The following TAF2 variants were observed in gnomAD, a reference collection of about 807,000 sequenced individuals.
The protein encoded by TAF2 is TATA-box binding protein associated factor 2, also known as transcription initiation factor TFIID subunit 2.
In TAF2, 61 loss-of-function variants were observed where a neutral mutation model predicts 138.5. The observed-to-expected ratio is 0.44, with a 90% CI of 0.36 to 0.54. TAF2 has a LOEUF of 0.54. Ranked by LOEUF, TAF2 falls within the 20% of genes least tolerant of loss-of-function variation. The pLI is 0.00. For missense variants in TAF2, 1,090 were observed against 1,427.9 expected (o/e 0.76, Z 3.81); for synonymous variants, 475 against 469.9 (o/e 1.01, Z -0.14).
chr8:119,747,788 G>T (rs1820080362), intron 22 of TAF2, among the ~76,000 whole-genome samples: 1 of 152,052 alleles, frequency 6.6e-6, no homozygotes, highest in Non-Finnish European at 1.5e-5. Context: ...GAAGAGTATA[G>T]AACAAATGAA....
Position 119,788,464 on chromosome 8 carries a change from G to C in TAF2, c.1684-17C>G. Reference sequence around the variant, plus strand: ...AAGTGGTCCCTTTTAAAAAAAAAACGTACTGTTCAGAGATGTGATTTAAAA... The same window carrying C: ...AAGTGGTCCCTTTTAAAAAAAAAACCTACTGTTCAGAGATGTGATTTAAAA... On this transcript the variant is annotated splice_polypyrimidine_tract_variant and intron_variant, in intron 13 of 25. Coordinates refer to ENST00000378164, the MANE Select transcript of TAF2 (RefSeq NM_003184.4). 1 of 1,526,606 alleles carries C rather than the reference G, an allele frequency of 6.6e-7. No individual in the cohort carries two copies. Among genetic ancestry groups the C allele is most frequent in the Non-Finnish European group, 9.1e-7 (1 of 1,103,506 alleles). The allele number at this position is 1,526,606 out of a possible 1,614,324, so 94.6% of individuals were successfully genotyped here.
chr8:119,792,149 C>CTTTTTTTTTTT (rs905286521), intron 10 of TAF2, among the ~76,000 whole-genome samples: 6 of 138,760 alleles, frequency 4.3e-5, no homozygotes, highest in South Asian at 4.7e-4. Flanking sequence ...TTCTTTCTTT[C>CTTTTTTTTTTT]TTTTTTTTTT....
intron 18 of TAF2, among the ~76,000 whole-genome samples, chr8:119,775,062 C>G (rs1822124822): frequency 6.6e-6 from 1 of 151,854 alleles, no homozygotes; most frequent in South Asian, 2.1e-4. Context: ...GGGCGGATCA[C>G]AAGGTCAAGA....
rs1826534167 is a variant in TAF2, at chr8:119,832,559, C to A, written c.6G>T (p.Pro2=). The A allele has an allele frequency of 6.2e-7, 1 of 1,612,978 alleles. No individual in the cohort carries two copies. The highest frequency in any genetic ancestry group is 8.5e-7 in the Non-Finnish European group (1 of 1,179,972). ...TTCTGGCGGGCTCTACACCAGTCAG[C>A]GGCATGAAGCGGTCCCGCGGAGCTT... The part of the protein sequence containing the change: M[P]LTGVEPARMN... Residue 2 remains proline (P), a synonymous_variant, in exon 1 of 26, where the codon CCG becomes CCT. Coordinates refer to ENST00000378164, the MANE Select transcript of TAF2 (RefSeq NM_003184.4).
intron 15 of TAF2, 122 bp from the exon 16 acceptor site, chr8:119,783,755 C>G: frequency 8.2e-7 from 1 of 1,213,356 alleles, no homozygotes; most frequent in Non-Finnish European, 1.1e-6. Flanking sequence ...TCAAGACTGC[C>G]TGGAGTTTTA....
At chr8:119,768,890 T>C (rs1821633232) in intron 18 of TAF2, among the ~76,000 whole-genome samples, 1 of 152,344 alleles carries the variant, frequency 6.6e-6, no homozygotes, top group South Asian at 2.1e-4. Flanking sequence ...AGGTGTCTTC[T>C]GCGGTTCTCA....
At position 119,730,822 on chromosome 8, in the gene TAF2, T is replaced by C. The variant is rs769038264; in HGVS notation, c.*1102A>G. ...AACAAGTTAAACACAACTAAAAGTATATTTAGAGGTCCAAGATTCAAGTAT... is the reference window on the plus strand; with the variant it reads ...AACAAGTTAAACACAACTAAAAGTACATTTAGAGGTCCAAGATTCAAGTAT... On this transcript the variant is annotated 3_prime_UTR_variant, in exon 26 of 26. Coordinates refer to ENST00000378164, the MANE Select transcript of TAF2 (RefSeq NM_003184.4). 6.6e-6 allele frequency: 1 copy of C among 152,218 alleles called. No homozygotes were observed. The highest frequency in any genetic ancestry group is 1.5e-5 in the Non-Finnish European group (1 of 68,036). 9.4% of individuals were successfully genotyped at this position (152,218 alleles called of 1,614,324 possible).
At chr8:119,816,755 T>G (rs1825504218) in intron 3 of TAF2, among the ~76,000 whole-genome samples, 1 of 152,194 alleles carries the variant, frequency 6.6e-6, no homozygotes. Flanking sequence ...TTGTCATGTC[T>G]TATGAATCTT....
Position 119,731,558 on chromosome 8 carries a change from C to T in TAF2, c.*366G>A, listed in dbSNP as rs752303836. On this transcript the variant is annotated 3_prime_UTR_variant, in exon 26 of 26. Coordinates refer to ENST00000378164, the MANE Select transcript of TAF2 (RefSeq NM_003184.4). ...GCTTCTGTGTAAATCATAACTTTGC[C>T]CCATAACATCCACCAAAGGCTTTCA... 7.3e-6 allele frequency: 2 copies of T among 272,566 alleles called. No homozygotes were observed. Among genetic ancestry groups the T allele is most frequent in the Non-Finnish European group, 1.4e-5 (2 of 140,202 alleles). 16.9% of individuals were successfully genotyped at this position (272,566 alleles called of 1,614,324 possible). A position where few individuals can be genotyped will look rare whatever the true frequency, so the allele number is the denominator to read the frequency against.
At chr8:119,825,702 T>C (rs1563930682) in intron 2 of TAF2, among the ~76,000 whole-genome samples, 1 of 152,116 alleles carries the variant, frequency 6.6e-6, no homozygotes, top group African/African-American at 2.4e-5. Flanking sequence ...TTTGTTTTTA[T>C]GAGATGGAAT....
intron 3 of TAF2, among the ~76,000 whole-genome samples, chr8:119,818,085 G>A (rs1489468926): frequency 6.6e-6 from 1 of 152,214 alleles, no homozygotes; most frequent in East Asian, 1.9e-4. Flanking sequence ...TTAAACCAAT[G>A]ATTATTGGGA....
chr8:119,819,633 C>G lies in TAF2; in HGVS notation c.139-127G>C, dbSNP rs923615184. 4.1e-6 allele frequency: 3 copies of G among 724,778 alleles called. No individual in the cohort carries two copies. The African/African-American group carries it at 5.2e-5, about 13-fold the overall frequency. The allele number at this position is 724,778 out of a possible 1,614,324, so 44.9% of individuals were successfully genotyped here. Reference sequence around the variant, plus strand: ...AAAATCCCTAATAGCTACATACATACATATGCTCTCCAAGTATCTTAATTT... The same window carrying G: ...AAAATCCCTAATAGCTACATACATAGATATGCTCTCCAAGTATCTTAATTT... On this transcript the variant is annotated intron_variant, in intron 2 of 25. Coordinates refer to ENST00000378164, the MANE Select transcript of TAF2 (RefSeq NM_003184.4).
At chr8:119,801,053 G>T (rs1214932236) in intron 6 of TAF2, among the ~76,000 whole-genome samples, 1 of 152,126 alleles carries the variant, frequency 6.6e-6, no homozygotes, top group Non-Finnish European at 1.5e-5. Flanking sequence ...TGCTAACCAG[G>T]TTTCTAACTC....
intron 2 of TAF2, among the ~76,000 whole-genome samples, chr8:119,821,125 G>A (rs1825781918): frequency 1.3e-5 from 2 of 152,204 alleles, no homozygotes; most frequent in Admixed American, 1.3e-4. Flanking sequence ...TGTATTTCAG[G>A]AAGATAGGAA....
At chr8:119,780,381 T>C (rs1275187644) in intron 17 of TAF2, among the ~76,000 whole-genome samples, 1 of 152,220 alleles carries the variant, frequency 6.6e-6, no homozygotes, top group Non-Finnish European at 1.5e-5. Context: ...AAGAAACTTA[T>C]GCATGTGCAA....
chr8:119,802,363 C>T (rs1824324121), intron 5 of TAF2, among the ~76,000 whole-genome samples: 1 of 152,152 alleles, frequency 6.6e-6, no homozygotes, highest in South Asian at 2.1e-4. Context: ...TTTCTAGAAA[C>T]TAAAAAAGGC....
chr8:119,745,809 G>GTC (rs1184518410), intron 23 of TAF2, among the ~76,000 whole-genome samples: 1 of 138,924 alleles, frequency 7.2e-6, no homozygotes, highest in Non-Finnish European at 1.5e-5. Context: ...GTGTGTGTGT[G>GTC]TGTGTGTGTG....
At chr8:119,787,776 G>C (rs1823125112) in intron 14 of TAF2, among the ~76,000 whole-genome samples, 1 of 152,168 alleles carries the variant, frequency 6.6e-6, no homozygotes, top group South Asian at 2.1e-4. Flanking sequence ...CTCCTATAAA[G>C]ACATATGCAC....
intron 4 of TAF2, among the ~76,000 whole-genome samples, chr8:119,805,388 G>A (rs1391285492): frequency 6.6e-6 from 1 of 152,078 alleles, no homozygotes; most frequent in East Asian, 1.9e-4. Flanking sequence ...TATTGTGCAG[G>A]TTCTACCTAT....
Sources: allele counts gnomAD v4.1 joint callset (sites outside exome capture counted in the v4.1 genomes callset), GRCh38; gene constraint gnomAD v4.1.1; transcripts MANE v1.5; gene names NCBI Gene and HGNC (gene_info 2026-07-23, HGNC 2026-07-21).